Variants in NOS1AP observed in about 807,000 individuals in gnomAD.
The protein encoded by NOS1AP is carboxyl-terminal PDZ ligand of neuronal nitric oxide synthase protein.
In NOS1AP, 21 loss-of-function variants were observed where a neutral mutation model predicts 56.2. The ratio of observed to expected loss-of-function variants is 0.37; its 90% confidence interval spans 0.26 to 0.54. The LOEUF is 0.54. Ranked by LOEUF, NOS1AP falls within the 20% of genes least tolerant of loss-of-function variation. The probability of loss-of-function intolerance (pLI) is 0.84; values close to 1 mark genes in which losing one functional copy is unlikely to be tolerated. For missense variants in NOS1AP, 522 were observed against 657.8 expected (o/e 0.79, Z 2.26); for synonymous variants, 270 against 274.6 (o/e 0.98, Z 0.17).
chr1:162,204,680 G>A (rs1571125109), intron 2 of NOS1AP, among the ~76,000 whole-genome samples: 1 of 152,314 alleles, frequency 6.6e-6, no homozygotes, highest in East Asian at 1.9e-4. Context: ...CCTAGCTTTT[G>A]ATCAGTGCAG....
intron 2 of NOS1AP, among the ~76,000 whole-genome samples, chr1:162,254,264 C>G (rs1370376122): frequency 2.6e-5 from 4 of 152,148 alleles, no homozygotes; most frequent in Admixed American, 1.3e-4. Context: ...AGGCCTTCTT[C>G]TTGTATCAGG....
At chr1:162,360,741 G>A (rs1331740318) in intron 8 of NOS1AP, 2 of 452,746 alleles carry the variant, frequency 4.4e-6, no homozygotes, top group Non-Finnish European at 8.9e-6. Flanking sequence ...CCAGCACGCT[G>A]GCATGCACTG....
intron 2 of NOS1AP, among the ~76,000 whole-genome samples, chr1:162,271,360 T>C (rs1166142552): frequency 1.3e-5 from 2 of 151,914 alleles, no homozygotes; most frequent in Non-Finnish European, 2.9e-5. Context: ...TTTTTCATAT[T>C]GAAGAGCAAG....
chr1:162,079,637 G>A (rs10918615), intron 1 of NOS1AP, among the ~76,000 whole-genome samples: 36,773 of 152,096 alleles, frequency 0.24, 5,211 homozygotes, highest in South Asian at 0.58. Flanking sequence ...GTTAATGGGA[G>A]GATTGAATCA....
chr1:162,305,068 TA>T (rs1242633992), intron 4 of NOS1AP, among the ~76,000 whole-genome samples: 1 of 152,198 alleles, frequency 6.6e-6, no homozygotes, highest in Admixed American at 6.5e-5. Flanking sequence ...TCAAATTTTT[TA>T]TTTAAATCTT....
intron 1 of NOS1AP, among the ~76,000 whole-genome samples, chr1:162,095,288 C>A (rs1692215373): frequency 6.6e-6 from 1 of 152,084 alleles, no homozygotes; most frequent in African/African-American, 2.4e-5. Flanking sequence ...GGGATCAGTG[C>A]CCTTATAAGG....
At chr1:162,143,557 C>G (rs957585747) in intron 1 of NOS1AP, among the ~76,000 whole-genome samples, 2 of 152,104 alleles carry the variant, frequency 1.3e-5, no homozygotes, top group Non-Finnish European at 2.9e-5. Context: ...GGGGCTCAAG[C>G]GATCCTCCCA....
chr1:162,130,405 G>C (rs1648699802), intron 1 of NOS1AP, among the ~76,000 whole-genome samples: 1 of 152,212 alleles, frequency 6.6e-6, no homozygotes. Context: ...TTTGCACCTA[G>C]TGGATACTTA....
At chr1:162,260,781 T>C (rs1571169224) in intron 2 of NOS1AP, among the ~76,000 whole-genome samples, 1 of 65,820 alleles carries the variant, frequency 1.5e-5, no homozygotes, top group Non-Finnish European at 6.7e-5. Context: ...AGGGAGATGA[T>C]TTTTTTTTAA....
At chr1:162,248,149 T>G (rs4657179) in intron 2 of NOS1AP, among the ~76,000 whole-genome samples, 122,520 of 151,898 alleles carry the variant, frequency 0.81, 49,553 homozygotes, top group Non-Finnish European at 0.84. Flanking sequence ...AAAGACCTTT[T>G]TTGATATGGG....
chr1:162,289,001 G>A (rs1168125999), intron 3 of NOS1AP, among the ~76,000 whole-genome samples: 1 of 152,122 alleles, frequency 6.6e-6, no homozygotes, highest in Non-Finnish European at 1.5e-5. Flanking sequence ...CAAGCCCTGG[G>A]CCTGTTAAAG....
rs550899803 is a variant in NOS1AP, at chr1:162,188,913, A to G, written c.177+34437A>G. On this transcript the variant is annotated intron_variant, in intron 2 of 9. Transcript: ENST00000361897. This position sits in a 1 kb window ranked among gnomAD's most constrained non-coding sequence, Gnocchi z 4.0. ...AAACTCCATCTCTAAAAATACAAAAATTAGCTGGGCACAGTGGCCTGTAGT... is the reference window on the plus strand; with the variant it reads ...AAACTCCATCTCTAAAAATACAAAAGTTAGCTGGGCACAGTGGCCTGTAGT... Among the ~76,000 whole-genome samples, 1 of 152,206 alleles carries G rather than the reference A, an allele frequency of 6.6e-6. No homozygotes were observed. Among genetic ancestry groups the G allele is most frequent in the South Asian group, 2.1e-4 (1 of 4,820 alleles).
At chr1:162,098,051 A>T (rs948679308) in intron 1 of NOS1AP, among the ~76,000 whole-genome samples, 1 of 148,754 alleles carries the variant, frequency 6.7e-6, no homozygotes, top group African/African-American at 2.5e-5. Context: ...TTAGGTCTTC[A>T]TTAATGAATT....
chr1:162,263,794 A>G (rs151319137), intron 2 of NOS1AP, among the ~76,000 whole-genome samples: 174 of 152,278 alleles, frequency 1.1e-3, no homozygotes, highest in African/African-American at 3.6e-3. Flanking sequence ...ACTGTGTCCC[A>G]AATCAAACTC....
At chr1:162,140,998 T>C (rs950809409) in intron 1 of NOS1AP, among the ~76,000 whole-genome samples, 3 of 152,222 alleles carry the variant, frequency 2.0e-5, no homozygotes, top group Admixed American at 6.5e-5. Flanking sequence ...TTTTTGCTTA[T>C]TGATTTAAGT....
At chr1:162,305,537 A>G (rs753788725) in intron 4 of NOS1AP, among the ~76,000 whole-genome samples, 11 of 152,178 alleles carry the variant, frequency 7.2e-5, no homozygotes, top group Non-Finnish European at 1.2e-4. Flanking sequence ...CTGGAGCCAC[A>G]AATATATAGA....
At chr1:162,109,189 C>T (rs544750637) in intron 1 of NOS1AP, among the ~76,000 whole-genome samples, 20 of 152,288 alleles carry the variant, frequency 1.3e-4, no homozygotes, top group African/African-American at 4.8e-4. Context: ...GGGGTTATTA[C>T]AGTTCAAGGT....
intron 2 of NOS1AP, among the ~76,000 whole-genome samples, chr1:162,172,531 A>T (rs1332116014): frequency 1.3e-5 from 2 of 152,192 alleles, no homozygotes; most frequent in African/African-American, 4.8e-5. Context: ...AAATTACTTA[A>T]CATTGCAAAC....
chr1:162,085,492 TG>T (rs1339737567), intron 1 of NOS1AP, among the ~76,000 whole-genome samples: 1 of 152,160 alleles, frequency 6.6e-6, no homozygotes, highest in Admixed American at 6.5e-5. Context: ...CCCCAAGTGG[TG>T]GTCTTTATGA....
Sources: allele counts gnomAD v4.1 joint callset (sites outside exome capture counted in the v4.1 genomes callset), GRCh38; gene constraint gnomAD v4.1.1; non-coding constraint Gnocchi (gnomAD v3.1); transcripts MANE v1.5; gene names NCBI Gene and HGNC (gene_info 2026-07-23, HGNC 2026-07-21).